The following LRP1B variants were observed in gnomAD, a reference collection of about 807,000 sequenced individuals.
LRP1B encodes low-density lipoprotein receptor-related protein 1B.
LRP1B carries 217 observed loss-of-function variants against 556.6 expected under a neutral mutation model. The observed-to-expected ratio is 0.39, with a 90% CI of 0.35 to 0.44. LRP1B has a LOEUF of 0.44. Ranked by LOEUF, LRP1B falls within the 20% of genes least tolerant of loss-of-function variation. The pLI, the probability that LRP1B is intolerant of heterozygous loss-of-function variation, is 1.00. For synonymous variants in LRP1B, 2,047 were observed against 1,865.8 expected (o/e 1.10, Z -2.50); for missense variants, 5,053 against 5,620.8 (o/e 0.90, Z 3.23).
At chr2:141,635,395 G>C (rs973316297) in intron 2 of LRP1B, among the ~76,000 whole-genome samples, 1 of 151,646 alleles carries the variant, frequency 6.6e-6, no homozygotes, top group Admixed American at 6.6e-5. Flanking sequence ...TATGTTAATT[G>C]GGAGTGAGAG....
chr2:141,242,171 C>T (rs1683901168), intron 5 of LRP1B, among the ~76,000 whole-genome samples: 1 of 152,034 alleles, frequency 6.6e-6, no homozygotes, highest in African/African-American at 2.4e-5. Flanking sequence ...TACTCAGTGG[C>T]TGATAAGAAG....
Position 140,501,677 on chromosome 2 carries a change from G to C in LRP1B, c.8850+10C>G, listed in dbSNP as rs758895001. On this transcript the variant is annotated intron_variant, in intron 55 of 90. Coordinates refer to ENST00000389484, the MANE Select transcript of LRP1B (RefSeq NM_018557.3). ...TATCGTATGATTTGCTACTTTTGAT[G>C]AGTACCTACCTTATAACTGACCGGA... 5.1e-6 allele frequency: 8 copies of C among 1,560,634 alleles called. No homozygotes were observed. The South Asian group carries it at 9.7e-5, about 19-fold the overall frequency.
chr2:141,772,536 G>A, intron 2 of LRP1B, among the ~76,000 whole-genome samples: 1 of 152,166 alleles, frequency 6.6e-6, no homozygotes, highest in East Asian at 1.9e-4. Flanking sequence ...CAGTAACTCT[G>A]GGATAGGGTC....
At chr2:141,591,400 G>A (rs1486090922) in intron 2 of LRP1B, among the ~76,000 whole-genome samples, 2 of 144,310 alleles carry the variant, frequency 1.4e-5, no homozygotes, top group African/African-American at 5.1e-5. Flanking sequence ...TCTGGGCCAA[G>A]TGCTGACCAG....
intron 3 of LRP1B, among the ~76,000 whole-genome samples, chr2:141,378,888 C>T (rs6738750): frequency 0.027 from 4,106 of 152,048 alleles, 187 homozygotes; most frequent in African/African-American, 0.094. Context: ...GAGATGCCAC[C>T]GAGCAGACAA....
At chr2:141,185,398 C>T (rs1039806510) in intron 7 of LRP1B, among the ~76,000 whole-genome samples, 3 of 151,980 alleles carry the variant, frequency 2.0e-5, no homozygotes, top group African/African-American at 7.2e-5. Flanking sequence ...TACCTGCCAA[C>T]TCTAATGACT....
Position 141,176,731 on chromosome 2 carries a change from T to C in LRP1B, c.1013+11690A>G, listed in dbSNP as rs572696825. ...TAAGTATCTCAAGAGAAAAAAAAAA[T>C]GAATCTAATAAAAATGACTCACTCT... On this transcript the variant is annotated intron_variant, in intron 7 of 90. Transcript: ENST00000389484. 6.6e-5 allele frequency among the ~76,000 whole-genome samples: 10 copies of C among 151,672 alleles called. No homozygotes were observed. In the East Asian group the frequency reaches 9.8e-4, roughly 15 times the overall value.
chr2:141,912,365 C>A (rs1290826040), intron 1 of LRP1B, among the ~76,000 whole-genome samples: 1 of 152,068 alleles, frequency 6.6e-6, no homozygotes, highest in Non-Finnish European at 1.5e-5. Flanking sequence ...GGTCAGTATT[C>A]TTTCTTGGCA....
chr2:140,305,931 T>C (rs1478004235), intron 83 of LRP1B, among the ~76,000 whole-genome samples: 1 of 151,868 alleles, frequency 6.6e-6, no homozygotes, highest in Non-Finnish European at 1.5e-5. Context: ...TTGTCTTTGG[T>C]TCTGTTTATA....
At chr2:141,715,265 C>T (rs1333110884) in intron 2 of LRP1B, among the ~76,000 whole-genome samples, 1 of 151,782 alleles carries the variant, frequency 6.6e-6, no homozygotes, top group Non-Finnish European at 1.5e-5. Context: ...CCCAGGAGTT[C>T]GACACCAGCC....
intron 3 of LRP1B, among the ~76,000 whole-genome samples, chr2:141,448,545 G>A (rs1681284928): frequency 1.3e-5 from 2 of 152,190 alleles, no homozygotes; most frequent in Admixed American, 6.5e-5. Context: ...CCTTGGTGGT[G>A]TAGGTCTGTG....
intron 32 of LRP1B, 25 bp downstream of exon 32, chr2:140,813,632 C>A (rs189400404): frequency 6.2e-7 from 1 of 1,609,250 alleles, no homozygotes; most frequent in Admixed American, 1.7e-5. Flanking sequence ...ACAAAGCAAC[C>A]AAGCTATAGA....
intron 1 of LRP1B, among the ~76,000 whole-genome samples, chr2:141,858,031 T>C (rs940606429): frequency 1.2e-4 from 18 of 152,166 alleles, no homozygotes; most frequent in African/African-American, 4.3e-4. Flanking sequence ...CCAATTATGA[T>C]ATAAAGTTAA....
chr2:142,100,736 AT>A (rs1706540779), intron 1 of LRP1B, among the ~76,000 whole-genome samples: 1 of 152,020 alleles, frequency 6.6e-6, no homozygotes, highest in Non-Finnish European at 1.5e-5. Context: ...CAGTGAAGAA[AT>A]CCTGATGATA....
intron 1 of LRP1B, among the ~76,000 whole-genome samples, chr2:141,868,160 C>T (rs1391393159): frequency 2.0e-5 from 3 of 152,092 alleles, no homozygotes; most frequent in East Asian, 1.9e-4. Flanking sequence ...TATGACCAGA[C>T]GCAGAAGTTT....
intron 3 of LRP1B, among the ~76,000 whole-genome samples, chr2:141,361,421 TA>T (rs1159514528): frequency 6.6e-6 from 1 of 152,174 alleles, no homozygotes; most frequent in Non-Finnish European, 1.5e-5. Flanking sequence ...TTCATATATT[TA>T]AAGGAGATAT....
In LRP1B at chr2:141,254,613, A is replaced by G; in HGVS notation, c.372T>C (p.Asn124=). 6.2e-7 allele frequency: 1 copy of G among 1,610,974 alleles called. No individual in the cohort carries two copies. The highest frequency in any genetic ancestry group is 8.5e-7 in the Non-Finnish European group (1 of 1,177,900). Residue 124 remains asparagine, a synonymous_variant, in exon 4 of 91, where the codon AAT becomes AAC. Coordinates refer to ENST00000389484, the MANE Select transcript of LRP1B (RefSeq NM_018557.3). ...TGACCATTGTACATTTATACTGACA[A>G]TTCAGCTGTTGGCAATTGGATAACA... ...QELLSNCQQL[N]CQYKCTMVRN...
At chr2:141,692,190 A>G (rs7559555) in intron 2 of LRP1B, among the ~76,000 whole-genome samples, 63,329 of 151,708 alleles carry the variant, frequency 0.42, 13,980 homozygotes, top group East Asian at 0.68. Flanking sequence ...TCTAAAACTG[A>G]CATTTGATAA....
intron 1 of LRP1B, among the ~76,000 whole-genome samples, chr2:141,884,729 C>T (rs1331297006): frequency 1.3e-5 from 2 of 152,104 alleles, no homozygotes; most frequent in African/African-American, 2.4e-5. Context: ...ATGAATGGGC[C>T]GATGTGGATA....
Sources: gnomAD v4.1 joint callset for allele counts (sites outside exome capture counted in the v4.1 genomes callset) on GRCh38, gnomAD v4.1.1 for gene constraint, MANE v1.5 for transcripts, NCBI Gene and HGNC (gene_info 2026-07-23, HGNC 2026-07-21) for gene names.